The following UBR3 variants were observed in gnomAD, a reference collection of about 807,000 sequenced individuals.
UBR3 encodes E3 ubiquitin-protein ligase UBR3.
In UBR3, 85 loss-of-function variants were observed where a neutral mutation model predicts 243.2. The observed-to-expected ratio is 0.35, with a 90% CI of 0.29 to 0.42. UBR3 has a LOEUF of 0.42. Among genes scored for constraint, UBR3 ranks in the 10% least tolerant of loss-of-function variants. The probability of loss-of-function intolerance (pLI) is 1.00; values close to 1 mark genes in which losing one functional copy is unlikely to be tolerated. For missense variants in UBR3, 1,686 were observed against 2,300.8 expected (o/e 0.73, Z 5.47); for synonymous variants, 748 against 799.8 (o/e 0.94, Z 1.09).
intron 32 of UBR3, among the ~76,000 whole-genome samples, chr2:170,043,979 TTA>T (rs1348961543): frequency 6.6e-6 from 1 of 152,188 alleles, no homozygotes; most frequent in Admixed American, 6.5e-5. Flanking sequence ...ATTAATTTTT[TTA>T]GTCTTTCACA....
chr2:170,015,679 A>G (rs2090215392), intron 30 of UBR3, among the ~76,000 whole-genome samples: 1 of 151,918 alleles, frequency 6.6e-6, no homozygotes, highest in African/African-American at 2.4e-5. Flanking sequence ...TTTACATTGA[A>G]TTAAGAAAAT....
chr2:169,854,399 G>A (rs926135497), intron 1 of UBR3, among the ~76,000 whole-genome samples: 4 of 152,014 alleles, frequency 2.6e-5, no homozygotes, highest in Non-Finnish European at 5.9e-5. Context: ...CTGTAATTAG[G>A]TACTCTAAAA....
intron 35 of UBR3, among the ~76,000 whole-genome samples, chr2:170,062,008 G>A (rs1185745155): frequency 1.3e-5 from 2 of 152,150 alleles, no homozygotes; most frequent in Admixed American, 6.6e-5. Flanking sequence ...TGATGAATAG[G>A]ACCATAGGAT....
intron 10 of UBR3, among the ~76,000 whole-genome samples, chr2:169,910,151 T>C (rs2085195402): frequency 6.6e-6 from 1 of 152,056 alleles, no homozygotes; most frequent in Non-Finnish European, 1.5e-5. Context: ...AAAAAGTAAG[T>C]CTGGACTGAG....
chr2:169,884,488 C>G (rs62170280), intron 5 of UBR3, among the ~76,000 whole-genome samples: 8,619 of 152,168 alleles, frequency 0.057, 294 homozygotes, highest in Non-Finnish European at 0.084. Flanking sequence ...AGAAAATATA[C>G]TGAAATTTTA....
At position 169,877,079 on chromosome 2, in the gene UBR3, C is replaced by T. The variant is rs184248500; in HGVS notation, c.845-415C>T. ...ACGCCTTTCCCAAGCACTCTGCTTT[C>T]GATAACTGCATGCTTGGTATTACGA... is the stretch of plus-strand genomic sequence containing the variant. On this transcript the variant is annotated intron_variant, in intron 3 of 38. Transcript: ENST00000272793. Among the ~76,000 whole-genome samples the T allele has an allele frequency of 1.7e-3, 263 of 152,292 alleles. 1 individual carries two copies. The highest frequency in any genetic ancestry group is 3.4e-3 in the Middle Eastern group (1 of 294).
intron 8 of UBR3, among the ~76,000 whole-genome samples, chr2:169,902,297 C>G (rs1489963141): frequency 6.6e-6 from 1 of 152,188 alleles, no homozygotes; most frequent in Admixed American, 6.5e-5. Context: ...CCTCTTATCT[C>G]TAGTTGTTGT....
At chr2:169,865,138 A>G (rs1040237185) in intron 1 of UBR3, among the ~76,000 whole-genome samples, 1 of 152,042 alleles carries the variant, frequency 6.6e-6, no homozygotes, top group Non-Finnish European at 1.5e-5. Flanking sequence ...TTGTTTCAGC[A>G]AGTCTTTTTC....
chr2:169,876,348 G>A lies in UBR3; in HGVS notation c.844+399G>A, dbSNP rs897586489. ...GCCCGCCTTGGCCTTCCGAAGTGCT[G>A]GGATTACAGGCGTGAGCCACTGCGC... On this transcript the variant is annotated intron_variant, in intron 3 of 38. Transcript: ENST00000272793. 5.9e-5 allele frequency among the ~76,000 whole-genome samples: 9 copies of A among 152,176 alleles called. No homozygotes were observed. The South Asian group carries it at 6.2e-4, about 10-fold the overall frequency.
chr2:169,875,931 T>C lies in UBR3; in HGVS notation c.826T>C (p.Tyr276His), dbSNP rs1401630856. 2 of 1,535,348 alleles carry C rather than the reference T, an allele frequency of 1.3e-6. No homozygotes were observed. Among genetic ancestry groups the C allele is most frequent in the African/African-American group, 1.4e-5 (1 of 72,198 alleles). Reference protein sequence around the residue: ...LTQVLTNQQNYKDLTSGLGEN... With the variant: ...LTQVLTNQQNHKDLTSGLGEN... ...TCAGGTTTTGACAAACCAACAAAAC[T>C]ACAAAGATCTGACTTCTGGTGAGTA... Residue 276 changes from tyrosine (Y) to histidine (H), a missense_variant, in exon 3 of 39, where the codon TAC (tyrosine) becomes CAC (histidine). Tyr to His is a moderately conservative substitution (Grantham distance 83). Transcript: ENST00000272793.
At position 170,055,495 on chromosome 2, in the gene UBR3, C is replaced by T. The variant is rs2091313472; in HGVS notation, c.4696C>T (p.Leu1566=). The change falls in exon 33 of 39, where the codon CTA becomes TTA. Residue 1566 remains leucine, a synonymous_variant. Coordinates refer to ENST00000272793, the MANE Select transcript of UBR3 (RefSeq NM_172070.4). ...CTGCATTGTGAAGGTACTTTTTACC[C>T]TACTGTACACACAGGCTCTTGCAGC... is the stretch of plus-strand genomic sequence containing the variant. The part of the protein sequence containing the change: ...FTCIVKVLFT[L]LYTQALAALS... The T allele has an allele frequency of 3.1e-6, 5 of 1,613,488 alleles. No individual in the cohort carries two copies. The Admixed American group carries it at 5.0e-5, about 16-fold the overall frequency.
intron 1 of UBR3, among the ~76,000 whole-genome samples, chr2:169,834,337 T>C (rs188893791): frequency 6.6e-6 from 1 of 152,378 alleles, no homozygotes; most frequent in East Asian, 1.9e-4. Flanking sequence ...ACATTTAAAT[T>C]GTTTCCAGAC....
At chr2:170,056,144 A>G (rs750340565) in intron 33 of UBR3, among the ~76,000 whole-genome samples, 3 of 150,382 alleles carry the variant, frequency 2.0e-5, no homozygotes, top group South Asian at 2.1e-4. Flanking sequence ...AGTAGCTGGG[A>G]CTATAGGCGC....
Position 169,857,064 on chromosome 2 carries a change from G to GTTTTTTTTTTTTTTT in UBR3, c.546-15159_546-15145dup, listed in dbSNP as rs770674966. On this transcript the variant is annotated intron_variant, in intron 1 of 38. Coordinates refer to ENST00000272793, the MANE Select transcript of UBR3 (RefSeq NM_172070.4). ...ATGATTTCCAGCATAATTTTATTAT[G>GTTTTTTTTTTTTTTT]TTTTTTTTTTTTTTTTTTTTTTTTT... 4.5e-3 allele frequency among the ~76,000 whole-genome samples: 253 copies of GTTTTTTTTTTTTTTT among 56,058 alleles called. 56 individuals carry two copies. The highest frequency in any genetic ancestry group is 7.0e-3 in the East Asian group (8 of 1,148). 36.8% of individuals were successfully genotyped at this position (56,058 alleles called of 152,430 possible).
chr2:170,069,243 A>C (rs2091644812), intron 35 of UBR3, among the ~76,000 whole-genome samples: 1 of 152,170 alleles, frequency 6.6e-6, no homozygotes, highest in Non-Finnish European at 1.5e-5. Flanking sequence ...AATAGAAAGG[A>C]TAGTACACTA....
chr2:169,882,654 C>A (rs2083937446), intron 5 of UBR3, among the ~76,000 whole-genome samples: 1 of 151,478 alleles, frequency 6.6e-6, no homozygotes, highest in Non-Finnish European at 1.5e-5. Flanking sequence ...GACAGGAGAA[C>A]CCCTTGAACC....
intron 24 of UBR3, among the ~76,000 whole-genome samples, chr2:169,971,681 C>G (rs987548845): frequency 2.0e-5 from 3 of 152,110 alleles, no homozygotes; most frequent in African/African-American, 7.2e-5. Flanking sequence ...TTCCATTGAT[C>G]TATATCTCTG....
intron 24 of UBR3, among the ~76,000 whole-genome samples, chr2:169,963,805 T>C (rs1266997164): frequency 6.6e-6 from 1 of 152,184 alleles, no homozygotes; most frequent in African/African-American, 2.4e-5. Context: ...ATTTTTTTCT[T>C]ATGAAAAATT....
At chr2:169,865,019 G>A (rs1401926986) in intron 1 of UBR3, among the ~76,000 whole-genome samples, 1 of 152,036 alleles carries the variant, frequency 6.6e-6, no homozygotes, top group African/African-American at 2.4e-5. Flanking sequence ...CCGGGAGGTG[G>A]AGGCTGTGGT....
Sources: allele counts gnomAD v4.1 joint callset (sites outside exome capture counted in the v4.1 genomes callset), GRCh38; gene constraint gnomAD v4.1.1; transcripts MANE v1.5; gene names NCBI Gene and HGNC (gene_info 2026-07-23, HGNC 2026-07-21).